The following TASOR variants were observed in gnomAD, a reference collection of about 807,000 sequenced individuals.
The protein encoded by TASOR is transcription activation suppressor.
In TASOR, 53 loss-of-function variants were observed where a neutral mutation model predicts 178.6. The ratio of observed to expected loss-of-function variants is 0.30; its 90% CI spans 0.24 to 0.37. The LOEUF (loss-of-function observed/expected upper bound fraction) is 0.37. Ranked by LOEUF, TASOR falls within the 10% of genes least tolerant of loss-of-function variation. The pLI is 1.00. For synonymous variants in TASOR, 713 were observed against 696.2 expected (o/e 1.02, Z -0.38); for missense variants, 1,815 against 1,971.4 (o/e 0.92, Z 1.50).
Position 56,633,213 on chromosome 3 carries a change from G to C in TASOR, c.3578C>G (p.Ser1193Cys). The C allele has an allele frequency of 6.2e-7, 1 of 1,614,140 alleles. No individual in the cohort carries two copies. Among genetic ancestry groups the C allele is most frequent in the Non-Finnish European group, 8.5e-7 (1 of 1,180,008 alleles). Residue 1193 changes from serine (S) to cysteine (C), a missense_variant, in exon 18 of 24, where the codon TCC (serine) becomes TGC (cysteine). This residue lies in a region of TASOR where 655 missense variants were observed against 671.1 expected (regional missense o/e 0.98). Coordinates refer to ENST00000683822, the MANE Select transcript of TASOR (RefSeq NM_001365635.2). ...AREPVEETTK[S>C]PSDVNISAQP... ...AGCAGAAATGTTTACATCACTGGGG[G>C]ATTTTGTTGTTTCTTCTACTGGTTC...
At chr3:56,666,138 A>G in intron 7 of TASOR, 122 bp downstream of exon 7, 1 of 711,240 alleles carries the variant, frequency 1.4e-6, no homozygotes, top group Non-Finnish European at 2.0e-6. Context: ...TCTCCAACCA[A>G]CTTCAAGGGA....
intron 14 of TASOR, among the ~76,000 whole-genome samples, chr3:56,643,528 C>T (rs1354172755): frequency 1.3e-5 from 2 of 151,842 alleles, no homozygotes; most frequent in East Asian, 3.9e-4. Flanking sequence ...TTTGGGAGGC[C>T]GAGGCGGGCG....
At chr3:56,625,679 C>T (rs1382551750) in intron 21 of TASOR, among the ~76,000 whole-genome samples, 2 of 151,798 alleles carry the variant, frequency 1.3e-5, no homozygotes, top group Non-Finnish European at 2.9e-5. Flanking sequence ...TATTATGGCT[C>T]TAAGCTATTT....
chr3:56,673,433 C>CAAAA (rs5849162), intron 2 of TASOR, 147 bp downstream of exon 2: 323 of 194,588 alleles, frequency 1.7e-3, no homozygotes, highest in Non-Finnish European at 2.2e-3. Context: ...ACTCCGTCTC[C>CAAAA]AAAAAAAAAA....
At chr3:56,640,450 A>C (rs2077098065) in intron 15 of TASOR, among the ~76,000 whole-genome samples, 1 of 152,146 alleles carries the variant, frequency 6.6e-6, no homozygotes, top group African/African-American at 2.4e-5. Context: ...ACTCCAATAA[A>C]ACTTTAGTTA....
Position 56,641,334 on chromosome 3 carries a change from C to T in TASOR, c.2619+15G>A. 1 of 1,565,094 alleles carries T rather than the reference C, an allele frequency of 6.4e-7. No individual in the cohort carries two copies. The highest frequency in any genetic ancestry group is 8.7e-7 in the Non-Finnish European group (1 of 1,147,246). On this transcript the variant is annotated intron_variant, in intron 15 of 23. Coordinates refer to ENST00000683822, the MANE Select transcript of TASOR (RefSeq NM_001365635.2). ...CACTCACAAACACAAAGGTAACCAA[C>T]AGCTATATGCTTACTTCTTTCAAAT... is the stretch of plus-strand genomic sequence containing the variant.
chr3:56,631,372 C>G (rs2076907372), intron 18 of TASOR, among the ~76,000 whole-genome samples: 1 of 152,056 alleles, frequency 6.6e-6, no homozygotes, highest in Non-Finnish European at 1.5e-5. Context: ...TAAGTAAACT[C>G]CATAAATGAG....
Position 56,646,995 on chromosome 3 carries a change from C to A in TASOR, c.1742G>T (p.Arg581Leu). ...GTATAAGAATTTTTTATCATCTAATCGTGAATCATATGGAAACATAATAAA... is the reference window on the plus strand; with the variant it reads ...GTATAAGAATTTTTTATCATCTAATAGTGAATCATATGGAAACATAATAAA... Reference protein sequence around the residue: ...REFIMFPYDSRLDDKKFLYSA... With the variant: ...REFIMFPYDSLLDDKKFLYSA... The change falls in exon 14 of 24, where the codon CGA (arginine) becomes CTA (leucine). Residue 581 changes from arginine to leucine, a missense_variant. Physicochemically the swap from Arg to Leu is moderately radical, Grantham distance 102. Transcript: ENST00000683822. 1 of 1,604,508 alleles carries A rather than the reference C, an allele frequency of 6.2e-7. No homozygotes were observed. The highest frequency in any genetic ancestry group is 1.1e-5 in the South Asian group (1 of 88,254).
At chr3:56,670,171 C>A in intron 3 of TASOR, 26 bp from the exon 4 acceptor site, 1 of 1,352,344 alleles carries the variant, frequency 7.4e-7, no homozygotes, top group Non-Finnish European at 1.0e-6. Context: ...AATACTTCAT[C>A]TTGCAGTCAT....
At chr3:56,652,819 AAAGC>A (rs938417329) in intron 11 of TASOR, among the ~76,000 whole-genome samples, 1 of 152,240 alleles carries the variant, frequency 6.6e-6, no homozygotes, top group African/African-American at 2.4e-5. Flanking sequence ...ATAAATAAAT[AAAGC>A]AACAAATAAG....
At chr3:56,680,411 CA>C (rs1430035182) in intron 1 of TASOR, among the ~76,000 whole-genome samples, 2 of 151,768 alleles carry the variant, frequency 1.3e-5, no homozygotes, top group Admixed American at 1.3e-4. Flanking sequence ...CTGGGAAGAC[CA>C]AAAAAAGAAC....
intron 11 of TASOR, among the ~76,000 whole-genome samples, chr3:56,654,757 A>G (rs1357447867): frequency 1.3e-5 from 2 of 152,182 alleles, no homozygotes; most frequent in African/African-American, 4.8e-5. Flanking sequence ...TGGGATGTCA[A>G]CTGTTCCCTG....
rs137861082 is a variant in TASOR at position 56,624,835 on chromosome 3, A to G, written c.4311T>C (p.Phe1437=). The change falls in exon 22 of 24, where the codon TTT becomes TTC. Residue 1437 remains phenylalanine (F), a synonymous_variant. Transcript: ENST00000683822. Reference sequence around the variant, plus strand: ...TAGGAGTGCTCTCTTTACCTGTTAAAAAGACTATGTGTCGTTGCTGTATGT... The same window carrying G: ...TAGGAGTGCTCTCTTTACCTGTTAAGAAGACTATGTGTCGTTGCTGTATGT... ...AQNIQQRHIV[F]LTEKNIKMLS... is the part of the protein sequence containing the mutation. 2.0e-4 allele frequency: 322 copies of G among 1,614,066 alleles called. No homozygotes were observed. Among genetic ancestry groups the G allele is most frequent in the Non-Finnish European group, 2.6e-4 (309 of 1,179,992 alleles).
chr3:56,632,988 G>A, intron 18 of TASOR, 56 bp downstream of exon 18: 1 of 1,356,570 alleles, frequency 7.4e-7, no homozygotes, highest in Non-Finnish European at 9.9e-7. Context: ...TTTTATAGAG[G>A]TCACACCAAC....
chr3:56,669,320 G>A (rs1414417777), intron 5 of TASOR, among the ~76,000 whole-genome samples: 6 of 152,020 alleles, frequency 3.9e-5, no homozygotes, highest in African/African-American at 1.4e-4. Flanking sequence ...TGGCTAACAC[G>A]GTGAAAACCC....
intron 8 of TASOR, 27 bp from the exon 9 acceptor site, chr3:56,662,517 G>A (rs570191048): frequency 8.4e-7 from 1 of 1,195,974 alleles, no homozygotes. Flanking sequence ...TAATGACACA[G>A]CTTAGTCACT....
chr3:56,657,285 G>A (rs546311788), intron 11 of TASOR, among the ~76,000 whole-genome samples: 1 of 145,490 alleles, frequency 6.9e-6, no homozygotes, highest in South Asian at 2.2e-4. Flanking sequence ...CCGAGATCAC[G>A]CCACTGCACT....
intron 14 of TASOR, among the ~76,000 whole-genome samples, chr3:56,642,276 T>C (rs541213950): frequency 2.0e-4 from 30 of 152,242 alleles, no homozygotes; most frequent in Non-Finnish European, 3.5e-4. Flanking sequence ...TAGGGTATTA[T>C]AGAGATAAAA....
Position 56,673,565 on chromosome 3 carries a change from T to C in TASOR, c.477+15A>G. The C allele has an allele frequency of 6.5e-7, 1 of 1,528,586 alleles. No homozygotes were observed. The highest frequency in any genetic ancestry group is 8.8e-7 in the Non-Finnish European group (1 of 1,138,148). The allele number at this position is 1,528,586 out of a possible 1,614,324, so 94.7% of individuals were successfully genotyped here. ...TCTGAAAACAATCTTACAGTAAGTA[T>C]AATTTAAAACATACCTCCTTTTCCA... is the stretch of plus-strand genomic sequence containing the variant. On this transcript the variant is annotated intron_variant, in intron 2 of 23. Transcript: ENST00000683822.
Sources: gnomAD v4.1 joint callset for allele counts (sites outside exome capture counted in the v4.1 genomes callset) on GRCh38, gnomAD v4.1.1 for gene constraint, gnomAD v4.1.1 regional missense constraint, MANE v1.5 for transcripts, NCBI Gene and HGNC (gene_info 2026-07-23, HGNC 2026-07-21) for gene names.